Variants in CCDC170 observed in about 807,000 individuals in gnomAD.
The protein encoded by CCDC170 is coiled-coil domain containing 170.
Under a neutral mutation model 72.6 loss-of-function variants are expected in CCDC170, and 69 were observed. The ratio of observed to expected loss-of-function variants is 0.95; its 90% CI spans 0.78 to 1.16. The LOEUF (loss-of-function observed/expected upper bound fraction) is 1.16, where lower values mean the gene tolerates loss of function less well. Among genes scored for constraint, CCDC170 ranks in the 50% most tolerant of loss-of-function variants. The pLI is 0.00. For missense variants in CCDC170, 852 were observed against 832.5 expected, an observed-to-expected ratio of 1.02 and a Z score of -0.29; for synonymous variants, 300 against 303.9, an observed-to-expected ratio of 0.99 and a Z score of 0.13.
At chr6:151,532,659 AATG>A (rs1211212086) in intron 1 of CCDC170, among the ~76,000 whole-genome samples, 1 of 152,164 alleles carries the variant, frequency 6.6e-6, no homozygotes, top group Non-Finnish European at 1.5e-5. Flanking sequence ...AAATGAGAAA[AATG>A]ATTTTAGTTG....
chr6:151,510,422 GT>G (rs1782131440), intron 1 of CCDC170, among the ~76,000 whole-genome samples: 1 of 152,080 alleles, frequency 6.6e-6, no homozygotes, highest in African/African-American at 2.4e-5. Context: ...GCATTTTAAT[GT>G]TTTCTGATTA....
chr6:151,564,895 C>T (rs1412286283), intron 5 of CCDC170, among the ~76,000 whole-genome samples: 2 of 152,168 alleles, frequency 1.3e-5, no homozygotes, highest in South Asian at 4.1e-4. Flanking sequence ...CCCTGGACTC[C>T]TGGAGGAGTG....
intron 1 of CCDC170, among the ~76,000 whole-genome samples, chr6:151,516,889 A>G (rs986430126): frequency 2.6e-5 from 4 of 152,218 alleles, no homozygotes; most frequent in Non-Finnish European, 4.4e-5. Context: ...CTTACTGTGC[A>G]CATGCTTTGG....
intron 9 of CCDC170, among the ~76,000 whole-genome samples, chr6:151,606,550 CATG>C (rs1283160899): frequency 6.6e-6 from 1 of 152,172 alleles, no homozygotes; most frequent in Non-Finnish European, 1.5e-5. Context: ...TATGGTTTAT[CATG>C]GAGAATATTC....
intron 1 of CCDC170, among the ~76,000 whole-genome samples, chr6:151,520,905 T>C (rs865803960): frequency 6.6e-6 from 1 of 152,182 alleles, no homozygotes; most frequent in Non-Finnish European, 1.5e-5. Flanking sequence ...AGAGACTGAT[T>C]TGAGTAATAA....
rs544046010 is a variant in CCDC170, at chr6:151,596,905, C to A, written c.1710+328C>A. The stretch of plus-strand genomic sequence containing the variant: ...GCAATGACGTGATCTTGGCTCACCA[C>A]AACCTCCTCTTCCTGGGTTCAAGCG... On this transcript the variant is annotated intron_variant, in intron 9 of 10. Coordinates refer to ENST00000239374, the MANE Select transcript of CCDC170 (RefSeq NM_025059.4). Among the ~76,000 whole-genome samples the A allele has an allele frequency of 2.0e-5, 3 of 152,004 alleles. No homozygotes were observed. The South Asian group carries it at 6.2e-4, about 32-fold the overall frequency.
rs371689587 is a variant in CCDC170 at position 151,609,251 on chromosome 6, C to T, written c.1711-6192C>T. 3.3e-5 allele frequency among the ~76,000 whole-genome samples: 5 copies of T among 152,220 alleles called. No homozygotes were observed. In the South Asian group the frequency reaches 6.2e-4, roughly 19 times the overall value. On this transcript the variant is annotated intron_variant, in intron 9 of 10. Coordinates refer to ENST00000239374, the MANE Select transcript of CCDC170 (RefSeq NM_025059.4). Reference sequence around the variant, plus strand: ...CTTAGTTAAGTTTTTGTGTCCTTTTCAAAGAGGGACACAGCATCTATTCGG... The same window carrying T: ...CTTAGTTAAGTTTTTGTGTCCTTTTTAAAGAGGGACACAGCATCTATTCGG...
At chr6:151,518,962 A>G (rs1436182182) in intron 1 of CCDC170, among the ~76,000 whole-genome samples, 1 of 152,232 alleles carries the variant, frequency 6.6e-6, no homozygotes, top group Non-Finnish European at 1.5e-5. Context: ...CAAAGCAAAG[A>G]TCACAAGGCA....
At position 151,573,341 on chromosome 6, in the gene CCDC170, T is replaced by C; in HGVS notation, c.942T>C (p.Asp314=). The change falls in exon 6 of 11, where the codon GAT becomes GAC. Residue 314 remains aspartate, a synonymous_variant. Transcript: ENST00000239374. ...AGAAGAGTTTGAAGGCCAGTCAGGA[T>C]GCAGTCACAACCTCACAAAGCCAGT... ...ELEKSLKASQ[D]AVTTSQSQYF... The C allele has an allele frequency of 6.2e-7, 1 of 1,614,170 alleles. No individual in the cohort carries two copies. The highest frequency in any genetic ancestry group is 1.3e-5 in the African/African-American group (1 of 75,046).
At chr6:151,561,203 T>TTG (rs147416496) in intron 5 of CCDC170, among the ~76,000 whole-genome samples, 2,819 of 152,216 alleles carry the variant, frequency 0.019, 97 homozygotes, top group African/African-American at 0.064. Context: ...CATTTTTCCT[T>TTG]TGTTACAAAC....
intron 6 of CCDC170, among the ~76,000 whole-genome samples, chr6:151,580,619 A>G (rs773280828): frequency 6.6e-6 from 1 of 152,142 alleles, no homozygotes; most frequent in Non-Finnish European, 1.5e-5. Flanking sequence ...TCCTTGGTAA[A>G]TGTAATTCCT....
intron 6 of CCDC170, among the ~76,000 whole-genome samples, chr6:151,574,745 G>A (rs1242372027): frequency 6.6e-6 from 1 of 152,132 alleles, no homozygotes; most frequent in East Asian, 1.9e-4. Context: ...CTGGATTTTG[G>A]AATTACAGAT....
At chr6:151,593,660 T>C (rs1467652636) in intron 8 of CCDC170, among the ~76,000 whole-genome samples, 1 of 152,148 alleles carries the variant, frequency 6.6e-6, no homozygotes, top group Non-Finnish European at 1.5e-5. Context: ...TTCCCATCCC[T>C]AGGGTGATCC....
chr6:151,551,722 C>T (rs760069351), intron 5 of CCDC170, among the ~76,000 whole-genome samples: 22 of 152,250 alleles, frequency 1.4e-4, no homozygotes, highest in African/African-American at 4.1e-4. Flanking sequence ...AGCAGGGAAT[C>T]GTCCCCTGGT....
At chr6:151,516,987 C>A (rs946008376) in intron 1 of CCDC170, among the ~76,000 whole-genome samples, 8 of 152,328 alleles carry the variant, frequency 5.3e-5, no homozygotes, top group Middle Eastern at 3.4e-3. Context: ...AAGCTTCCAG[C>A]TTACTTGTCT....
At chr6:151,578,373 T>G (rs751570136) in intron 6 of CCDC170, among the ~76,000 whole-genome samples, 5 of 152,192 alleles carry the variant, frequency 3.3e-5, no homozygotes, top group Non-Finnish European at 5.9e-5. Flanking sequence ...GTCCCATGCC[T>G]CACTCCTAGC....
At chr6:151,573,602 G>T (rs1451512792) in intron 6 of CCDC170, 111 bp downstream of exon 6, 21 of 1,028,054 alleles carry the variant, frequency 2.0e-5, no homozygotes, top group Non-Finnish European at 2.4e-5. Flanking sequence ...AAATACCCGA[G>T]ACTGGGTAAT....
In CCDC170 at chr6:151,536,224, A is replaced by T. The variant is rs1782576305; in HGVS notation, c.58-94A>T. On this transcript the variant is annotated intron_variant, in intron 1 of 10. Coordinates refer to ENST00000239374, the MANE Select transcript of CCDC170 (RefSeq NM_025059.4). ...GTTTGACATATTTGGAATACAAAGA[A>T]TGCTTCTGCCTTTAATCTGGCTTTG... 4 of 1,408,496 alleles carry T rather than the reference A, an allele frequency of 2.8e-6. 1 individual carries two copies. The highest frequency in any genetic ancestry group is 1.8e-5 in the Admixed American group (1 of 56,548). 87.2% of individuals were successfully genotyped at this position (1,408,496 alleles called of 1,614,324 possible). A position where few individuals can be genotyped will look rare whatever the true frequency, so the allele number is the denominator to read the frequency against.
At position 151,555,468 on chromosome 6, in the gene CCDC170, G is replaced by A. The variant is rs192082042; in HGVS notation, c.774+6979G>A. 2.6e-5 allele frequency among the ~76,000 whole-genome samples: 4 copies of A among 152,276 alleles called. No individual in the cohort carries two copies. In the East Asian group the frequency reaches 7.7e-4, roughly 29 times the overall value. On this transcript the variant is annotated intron_variant, in intron 5 of 10. Transcript: ENST00000239374. ...CTCTTTACAATTCTAGAATCATAAA[G>A]TTGGAAGTGACCTTCAGGCCATTTA...
Sources: allele counts gnomAD v4.1 joint callset (sites outside exome capture counted in the v4.1 genomes callset), GRCh38; gene constraint gnomAD v4.1.1; transcripts MANE v1.5; gene names NCBI Gene and HGNC (gene_info 2026-07-23, HGNC 2026-07-21).